MED16: variants seen among roughly 807,000 people sequenced by gnomAD.
MED16 encodes the protein mediator of RNA polymerase II transcription subunit 16.
MED16 carries 81 observed loss-of-function variants against 84.4 expected under a neutral mutation model. The observed-to-expected ratio is 0.96, with a 90% CI of 0.80 to 1.15. The LOEUF (loss-of-function observed/expected upper bound fraction) is 1.15. Ranked by LOEUF, MED16 falls within the 50% of genes most tolerant of loss-of-function variation. MED16 has a pLI of 0.00. For missense variants in MED16, 1,585 were observed against 1,245.9 expected, an observed-to-expected ratio of 1.27 and a Z score of -4.10; for synonymous variants, 897 against 552.2, an observed-to-expected ratio of 1.62 and a Z score of -8.76.
In MED16 at chr19:871,754, A is replaced by AGGGAGAGGGGAGCG. The variant is rs1297237706; in HGVS notation, c.2098+158_2098+171dup. 280 of 332,016 alleles carry AGGGAGAGGGGAGCG rather than the reference A, an allele frequency of 8.4e-4. 1 individual carries two copies. The highest frequency in any genetic ancestry group is 1.1e-3 in the Non-Finnish European group (213 of 196,142). 20.6% of individuals were successfully genotyped at this position (332,016 alleles called of 1,614,324 possible). ...GCTCAGGCAGGACTTGTGTTTTGGT[A>AGGGAGAGGGGAGCG]GGGAGAGGGGAGCGGGGAGAGGGGA... On this transcript the variant is annotated intron_variant, in intron 12 of 15. Transcript: ENST00000325464.
chr19:871,474 T>G, intron 12 of MED16: 1 of 1,451,596 alleles, frequency 6.9e-7, no homozygotes, highest in South Asian at 1.3e-5. Context: ...TGGCCTGTCA[T>G]GAGACTCCCT....
chr19:887,638 C>G (rs1257041280), intron 4 of MED16, among the ~76,000 whole-genome samples: 1 of 152,068 alleles, frequency 6.6e-6, no homozygotes, highest in African/African-American at 2.4e-5. Context: ...TGCACTCCAG[C>G]CCGGTTGACA....
Position 877,363 on chromosome 19 carries a change from G to A in MED16, c.1354-183C>T, listed in dbSNP as rs571260352. 7.9e-5 allele frequency among the ~76,000 whole-genome samples: 12 copies of A among 152,256 alleles called. No homozygotes were observed. In the East Asian group the frequency reaches 1.7e-3, roughly 22 times the overall value. ...CCTTTCTGTCAGGGTCATGCACAAT[G>A]CCTCTGGGAACAGGGAAGGAAACCT... On this transcript the variant is annotated intron_variant, in intron 8 of 15. Transcript: ENST00000325464.
intron 1 of MED16, 59 bp downstream of exon 1, chr19:893,027 C>G (rs1599350659): frequency 6.5e-6 from 1 of 152,838 alleles, no homozygotes; most frequent in Non-Finnish European, 1.5e-5. Flanking sequence ...TCCCTCGGGT[C>G]CGTGGACACG....
intron 12 of MED16, chr19:871,482 C>T (rs1004299878): frequency 1.4e-5 from 21 of 1,466,308 alleles, no homozygotes; most frequent in East Asian, 1.2e-4. Context: ...CATGAGACTC[C>T]CTCATTCACT....
In MED16 at chr19:886,188, C is replaced by G. The variant is rs568438330; in HGVS notation, c.461G>C (p.Ser154Thr). The part of the protein sequence containing the change: ...ALHVEKSGAS[S>T]FGEKFSRVKF... ...GACTCGGGAGAACTTCTCCCCGAAG[C>G]TGGAGGCGCCCGACTGTGGAGAAGG... Residue 154 changes from serine to threonine, a missense_variant, in exon 5 of 16, where the codon AGC becomes ACC. By Grantham distance (58) the Ser-to-Thr change is moderately conservative. Coordinates refer to ENST00000325464, the MANE Select transcript of MED16 (RefSeq NM_005481.3). 4 of 1,513,240 alleles carry G rather than the reference C, an allele frequency of 2.6e-6. No individual in the cohort carries two copies. In the East Asian group the frequency reaches 9.2e-5, roughly 35 times the overall value. The allele number at this position is 1,513,240 out of a possible 1,614,324, so 93.7% of individuals were successfully genotyped here. A position where few individuals can be genotyped will look rare whatever the true frequency, so the allele number is the denominator to read the frequency against.
chr19:890,630 G>C (rs150469412), intron 2 of MED16, among the ~76,000 whole-genome samples: 1 of 152,216 alleles, frequency 6.6e-6, no homozygotes, highest in Admixed American at 6.5e-5. Flanking sequence ...GACGGGCACA[G>C]CCACCACGCA....
rs755065955 is a variant in MED16, at chr19:880,100, A to G, written c.1190T>C (p.Leu397Pro). 6.2e-7 allele frequency: 1 copy of G among 1,610,682 alleles called. No homozygotes were observed. The highest frequency in any genetic ancestry group is 8.5e-7 in the Non-Finnish European group (1 of 1,179,408). ...GAAGACGGCCATGGTCTGCAGTGAG[A>G]GCCGGTGCACGATGTGGACGCTGCC... ...HDGSVHIVHR[L>P]SLQTMAVFYS... Residue 397 changes from leucine (L) to proline (P), a missense_variant, in exon 8 of 16, where the codon CTC becomes CCC. Coordinates refer to ENST00000325464, the MANE Select transcript of MED16 (RefSeq NM_005481.3).
chr19:891,917 G>A lies in MED16; in HGVS notation c.-18-768C>T, dbSNP rs1453199558. Among the ~76,000 whole-genome samples, 35 of 133,828 alleles carry A rather than the reference G, an allele frequency of 2.6e-4. No individual in the cohort carries two copies. The East Asian group carries it at 6.6e-3, about 25-fold the overall frequency. The allele number at this position is 133,828 out of a possible 152,430, so 87.8% of individuals were successfully genotyped here. Reference sequence around the variant, plus strand: ...GACGGGGAACACCTGTGGCCGAGGCGGGGCTGAGTGTGATGGGGAACACCT... The same window carrying A: ...GACGGGGAACACCTGTGGCCGAGGCAGGGCTGAGTGTGATGGGGAACACCT... On this transcript the variant is annotated intron_variant, in intron 1 of 15. Coordinates refer to ENST00000325464, the MANE Select transcript of MED16 (RefSeq NM_005481.3).
chr19:870,489 A>G (rs1683588), intron 13 of MED16, among the ~76,000 whole-genome samples: 32,485 of 150,358 alleles, frequency 0.22, 3,701 homozygotes, highest in Middle Eastern at 0.29. Context: ...TGAACCCGAG[A>G]GGCAGACGTT....
At position 877,054 on chromosome 19, in the gene MED16, G is replaced by A. The variant is rs2036262618; in HGVS notation, c.1480C>T (p.His494Tyr). ...CTCTGTACCATACTGGGCTGCACGT[G>A]CAGCAGGATGTCCCACCAGTCGTAG... ...TGYDWWDILL[H>Y]VQPSMVQSLV... is the part of the protein sequence containing the mutation. The change falls in exon 9 of 16, where the codon CAC becomes TAC. Residue 494 changes from histidine to tyrosine, a missense_variant. Physicochemically the swap from His to Tyr is moderately conservative, Grantham distance 83 (BLOSUM62 2). Coordinates refer to ENST00000325464, the MANE Select transcript of MED16 (RefSeq NM_005481.3). 3 of 1,612,724 alleles carry A rather than the reference G, an allele frequency of 1.9e-6. No individual in the cohort carries two copies. The highest frequency in any genetic ancestry group is 1.1e-5 in the South Asian group (1 of 91,088).
At chr19:870,259 A>T (rs922353471) in intron 13 of MED16, among the ~76,000 whole-genome samples, 1 of 152,110 alleles carries the variant, frequency 6.6e-6, no homozygotes, top group African/African-American at 2.4e-5. Context: ...GCCAACACAC[A>T]ATCAGGAAAC....
intron 9 of MED16, among the ~76,000 whole-genome samples, chr19:875,981 C>T (rs1028989931): frequency 3.3e-5 from 5 of 152,284 alleles, no homozygotes; most frequent in South Asian, 4.1e-4. Context: ...AAAAATGAAA[C>T]GCTTGGCACA....
In MED16 at chr19:868,037, A is replaced by G; in HGVS notation, c.*64T>C. 1 of 1,533,552 alleles carries G rather than the reference A, an allele frequency of 6.5e-7. No individual in the cohort carries two copies. The highest frequency in any genetic ancestry group is 8.7e-7 in the Non-Finnish European group (1 of 1,145,280). 95.0% of individuals were successfully genotyped at this position (1,533,552 alleles called of 1,614,324 possible). A position where few individuals can be genotyped will look rare whatever the true frequency, so the allele number is the denominator to read the frequency against. The stretch of plus-strand genomic sequence containing the variant: ...CCAGGTTCAGCGCTCTCCGCGGGTG[A>G]GGCAAGGAAACCGAGGAGACGCCCG... On this transcript the variant is annotated 3_prime_UTR_variant, in exon 16 of 16. Coordinates refer to ENST00000325464, the MANE Select transcript of MED16 (RefSeq NM_005481.3).
At chr19:869,242 G>T (rs375461770) in intron 13 of MED16, among the ~76,000 whole-genome samples, 12 of 152,106 alleles carry the variant, frequency 7.9e-5, no homozygotes, top group African/African-American at 2.4e-5. Context: ...GGGTCGGTCC[G>T]CCACGTGCCC....
chr19:872,883 G>C (rs903645964), intron 11 of MED16: 2 of 872,078 alleles, frequency 2.3e-6, no homozygotes, highest in African/African-American at 3.7e-5. Context: ...GAATGGGCAG[G>C]AAGGGTGTGG....
Position 877,083 on chromosome 19 carries a change from G to C in MED16, c.1451C>G (p.Thr484Ser). Residue 484 changes from threonine to serine, a missense_variant, in exon 9 of 16, where the codon ACC (threonine) becomes AGC (serine). Transcript: ENST00000325464. ...CAGGATGTCCCACCAGTCGTAGCCG[G>C]TCACCATGCAGTACTCCAGCAGGAA... ...LLFLLEYCMV[T>S]GYDWWDILLH... 1 of 1,612,662 alleles carries C rather than the reference G, an allele frequency of 6.2e-7. No individual in the cohort carries two copies. The highest frequency in any genetic ancestry group is 1.7e-5 in the Admixed American group (1 of 60,006).
intron 6 of MED16, among the ~76,000 whole-genome samples, chr19:883,211 T>TGGGCATGGTAGGAACCGAAGCC (rs1380546706): frequency 6.6e-6 from 1 of 151,760 alleles, no homozygotes; most frequent in East Asian, 1.9e-4. Flanking sequence ...GGTGAAGAGC[T>TGGGCATGGTAGGAACCGAAGCC]GGGCATGGTA....
intron 3 of MED16, 39 bp from the exon 4 acceptor site, chr19:889,846 T>G (rs1159430914): frequency 1.3e-6 from 2 of 1,579,946 alleles, no homozygotes; most frequent in Non-Finnish European, 1.7e-6. Flanking sequence ...CTTCCAGGGA[T>G]GGGCAGAGCA....
Sources: gnomAD v4.1 joint callset for allele counts (sites outside exome capture counted in the v4.1 genomes callset) on GRCh38, gnomAD v4.1.1 for gene constraint, MANE v1.5 for transcripts, NCBI Gene and HGNC (gene_info 2026-07-23, HGNC 2026-07-21) for gene names.